Variants in EPHB2 observed in about 807,000 individuals in gnomAD.
The protein encoded by EPHB2 is ephrin type-B receptor 2.
Under a neutral mutation model 96.4 loss-of-function variants are expected in EPHB2, and 18 were observed. That is an observed-to-expected ratio of 0.19 (90% CI 0.13 to 0.28). The LOEUF is 0.28. Ranked by LOEUF, EPHB2 falls within the 10% of genes least tolerant of loss-of-function variation. The pLI, the probability that EPHB2 is intolerant of heterozygous loss-of-function variation, is 1.00. For missense variants in EPHB2, 989 were observed against 1,355.4 expected (o/e 0.73, Z 4.25); for synonymous variants, 506 against 534.1 (o/e 0.95, Z 0.72).
At chr1:22,897,976 G>A (rs966559801) in intron 9 of EPHB2, among the ~76,000 whole-genome samples, 8 of 151,784 alleles carry the variant, frequency 5.3e-5, no homozygotes, top group Admixed American at 1.3e-4. Flanking sequence ...GGTCATGTAC[G>A]TCTGTAGTTC....
intron 5 of EPHB2, among the ~76,000 whole-genome samples, chr1:22,869,669 G>A (rs2148533625): frequency 6.6e-6 from 1 of 152,254 alleles, no homozygotes; most frequent in African/African-American, 2.4e-5. Flanking sequence ...CTAAGTATCA[G>A]GTTCCCCTGA....
chr1:22,717,548 A>G (rs1456964973), intron 1 of EPHB2, among the ~76,000 whole-genome samples: 1 of 151,678 alleles, frequency 6.6e-6, no homozygotes, highest in Non-Finnish European at 1.5e-5. Context: ...CAAGTGATCC[A>G]CTCTCTGAGC....
intron 1 of EPHB2, among the ~76,000 whole-genome samples, chr1:22,735,634 G>A (rs959416138): frequency 2.6e-5 from 4 of 152,100 alleles, no homozygotes; most frequent in African/African-American, 9.7e-5. Flanking sequence ...ACTTCCCAGG[G>A]GTCTGATTTG....
At chr1:22,899,588 C>T (rs151266486) in intron 9 of EPHB2, among the ~76,000 whole-genome samples, 12 of 152,262 alleles carry the variant, frequency 7.9e-5, no homozygotes, top group African/African-American at 2.9e-4. Flanking sequence ...CAACTATTAA[C>T]CAATACAGAA....
At chr1:22,895,408 G>C (rs1639524748) in intron 7 of EPHB2, 64 bp from the exon 8 acceptor site, 4 of 1,498,596 alleles carry the variant, frequency 2.7e-6, no homozygotes, top group Non-Finnish European at 3.7e-6. Context: ...GCAGGGGGTA[G>C]GGGACAAGGG....
intron 3 of EPHB2, among the ~76,000 whole-genome samples, chr1:22,786,866 G>A (rs1644619121): frequency 6.6e-6 from 1 of 152,232 alleles, no homozygotes; most frequent in South Asian, 2.1e-4. Flanking sequence ...GGCAAGTTAG[G>A]AGAAAGGGCT....
At chr1:22,869,112 CTT>C (rs1417117860) in intron 5 of EPHB2, among the ~76,000 whole-genome samples, 2 of 152,042 alleles carry the variant, frequency 1.3e-5, no homozygotes, top group Non-Finnish European at 2.9e-5. Context: ...TCCCCCTCCT[CTT>C]TATTCCAAGC....
At chr1:22,763,833 G>T (rs886541502) in intron 1 of EPHB2, among the ~76,000 whole-genome samples, 1 of 152,124 alleles carries the variant, frequency 6.6e-6, no homozygotes, top group African/African-American at 2.4e-5. Context: ...AGCTCAGGAG[G>T]AGGATCCATG....
At chr1:22,848,336 C>A (rs1645574130) in intron 3 of EPHB2, among the ~76,000 whole-genome samples, 4 of 152,112 alleles carry the variant, frequency 2.6e-5, no homozygotes, top group Admixed American at 2.6e-4. Flanking sequence ...CGATCCACTC[C>A]AGCACCACTC....
chr1:22,769,705 G>A (rs1325163466), intron 1 of EPHB2, among the ~76,000 whole-genome samples: 1 of 152,220 alleles, frequency 6.6e-6, no homozygotes, highest in Non-Finnish European at 1.5e-5. Flanking sequence ...ACCACGTAGA[G>A]CCTGATTCTC....
Position 22,819,816 on chromosome 1 carries a change from A to ATT in EPHB2, c.811+34753_811+34754dup, listed in dbSNP as rs5773023. Among the ~76,000 whole-genome samples, 36 of 148,782 alleles carry ATT rather than the reference A, an allele frequency of 2.4e-4. 1 individual carries two copies. The highest frequency in any genetic ancestry group is 4.3e-4 in the South Asian group (2 of 4,632). On this transcript the variant is annotated intron_variant, in intron 3 of 15. Transcript: ENST00000374630. ...TTATTTGGATTACTACAAATTGATG[A>ATT]TTTTTTTTTTTTTTAATGGAGCTTT... is the stretch of plus-strand genomic sequence containing the variant.
chr1:22,910,156 T>C (rs1265454537), intron 13 of EPHB2, among the ~76,000 whole-genome samples: 1 of 151,988 alleles, frequency 6.6e-6, no homozygotes, highest in Non-Finnish European at 1.5e-5. Context: ...TTTCCCAAGA[T>C]TGGCAAAGGG....
At chr1:22,736,009 G>T (rs191689421) in intron 1 of EPHB2, among the ~76,000 whole-genome samples, 1 of 152,298 alleles carries the variant, frequency 6.6e-6, no homozygotes, top group Admixed American at 6.5e-5. Flanking sequence ...CTTTCGATAG[G>T]CTCTTTTCCC....
chr1:22,802,099 C>G (rs1187322869), intron 3 of EPHB2, among the ~76,000 whole-genome samples: 1 of 151,984 alleles, frequency 6.6e-6, no homozygotes, highest in Non-Finnish European at 1.5e-5. Context: ...AATGTCACGT[C>G]CAGGCAGAGA....
chr1:22,781,922 C>T (rs1361505156), intron 2 of EPHB2, among the ~76,000 whole-genome samples: 3 of 152,148 alleles, frequency 2.0e-5, no homozygotes, highest in East Asian at 1.9e-4. Flanking sequence ...GGTGTAGCCA[C>T]CTGCCCAGGG....
intron 13 of EPHB2, 46 bp from the exon 14 acceptor site, chr1:22,910,336 C>A (rs1640052543): frequency 2.5e-6 from 4 of 1,610,514 alleles, no homozygotes; most frequent in Non-Finnish European, 3.4e-6. Context: ...GGGTAGACGC[C>A]CTCAGCCCAT....
chr1:22,838,236 G>A (rs1298120293), intron 3 of EPHB2, among the ~76,000 whole-genome samples: 4 of 152,200 alleles, frequency 2.6e-5, no homozygotes. Context: ...TCCCAGTGAA[G>A]CTCAAGTGCA....
chr1:22,714,099 C>T (rs1336995629), intron 1 of EPHB2, among the ~76,000 whole-genome samples: 1 of 152,162 alleles, frequency 6.6e-6, no homozygotes, highest in Non-Finnish European at 1.5e-5. Context: ...GATAGAGTTT[C>T]CTCTCTGGCT....
rs983264250 is a variant in EPHB2, at chr1:22,735,545, A to G, written c.61+24502A>G. Among the ~76,000 whole-genome samples the G allele has an allele frequency of 2.6e-5, 4 of 152,204 alleles. No individual in the cohort carries two copies. In the South Asian group the frequency reaches 8.3e-4, roughly 32 times the overall value. On this transcript the variant is annotated intron_variant, in intron 1 of 15. Transcript: ENST00000374630. ...TTGGAAAAGACTGCTGGCTTACCCCAGGCCTGAGAGCAGGAACAGCTACTG... is the reference window on the plus strand; with the variant it reads ...TTGGAAAAGACTGCTGGCTTACCCCGGGCCTGAGAGCAGGAACAGCTACTG...
Sources: gnomAD v4.1 joint callset for allele counts (sites outside exome capture counted in the v4.1 genomes callset) on GRCh38, gnomAD v4.1.1 for gene constraint, MANE v1.5 for transcripts, NCBI Gene and HGNC (gene_info 2026-07-23, HGNC 2026-07-21) for gene names.